The following CCP110 variants were observed in gnomAD, a reference collection of about 807,000 sequenced individuals.
CCP110 encodes centriolar coiled-coil protein 110.
A neutral mutation model predicts 105.5 loss-of-function variants in CCP110; 43 were observed. That is an observed-to-expected ratio of 0.41 (90% CI 0.32 to 0.53). The LOEUF is 0.53. Ranked by LOEUF, CCP110 falls within the 20% of genes least tolerant of loss-of-function variation. The pLI is 0.32. For synonymous variants in CCP110, 353 were observed against 392.1 expected (o/e 0.90, Z 1.18); for missense variants, 1,016 against 1,189.1 (o/e 0.85, Z 2.14).
At chr16:19,536,829 A>T (rs1567354939) in exon 4 of CCP110, 16 of 1,614,168 alleles carry the variant, frequency 9.9e-6, no homozygotes, top group African/African-American at 2.7e-5. Context: ...TCAGCGTGTC[A>T]TATACTTATA....
At chr16:19,542,162 T>C in intron 6 of CCP110, 98 bp downstream of exon 6, 1 of 823,850 alleles carries the variant, frequency 1.2e-6, no homozygotes, top group Non-Finnish European at 1.8e-6. Flanking sequence ...TTTCAAATGA[T>C]TCCATGTCCA....
exon 4 of CCP110, chr16:19,536,620 A>G (rs1451052279): frequency 6.2e-7 from 1 of 1,614,058 alleles, no homozygotes; most frequent in Non-Finnish European, 8.5e-7. Context: ...TGCCAGTTTT[A>G]GCTAGCTTTT....
intron 5 of CCP110, among the ~76,000 whole-genome samples, chr16:19,541,371 G>A (rs559358760): frequency 2.8e-4 from 42 of 152,190 alleles, no homozygotes; most frequent in African/African-American, 8.9e-4. Flanking sequence ...GGTGGCTCAC[G>A]CCTGTAATCC....
intron 2 of CCP110, among the ~76,000 whole-genome samples, chr16:19,531,964 T>TG (rs1317278930): frequency 9.1e-6 from 1 of 109,406 alleles, no homozygotes; most frequent in African/African-American, 3.5e-5. Flanking sequence ...AGACTCCATC[T>TG]CAAAAAAAAA....
At chr16:19,547,783 G>T in intron 12 of CCP110, 172 bp from the exon 13 acceptor site, 1 of 572,816 alleles carries the variant, frequency 1.7e-6, no homozygotes, top group African/African-American at 1.9e-5. Flanking sequence ...CAAAATACAA[G>T]TATCATATTA....
chr16:19,530,531 AG>A (rs1351589518), intron 2 of CCP110, among the ~76,000 whole-genome samples: 1 of 151,834 alleles, frequency 6.6e-6, no homozygotes, highest in Non-Finnish European at 1.5e-5. Context: ...CTGTAATCCC[AG>A]CTATGTGGGA....
intron 3 of CCP110, among the ~76,000 whole-genome samples, chr16:19,534,177 T>G (rs1969970519): frequency 6.6e-6 from 1 of 152,164 alleles, no homozygotes; most frequent in African/African-American, 2.4e-5. Flanking sequence ...CTGTCCATAT[T>G]AAGTTTAAAA....
chr16:19,533,234 C>T (rs966000943), intron 3 of CCP110, among the ~76,000 whole-genome samples: 9 of 151,922 alleles, frequency 5.9e-5, no homozygotes, highest in South Asian at 2.1e-4. Flanking sequence ...TAATTCGTAT[C>T]GATGACACGT....
At position 19,548,450 on chromosome 16, in the gene CCP110, T is replaced by C; in HGVS notation, c.2901-65T>C. 9.6e-7 allele frequency: 1 copy of C among 1,043,662 alleles called. No individual in the cohort carries two copies. Among genetic ancestry groups the C allele is most frequent in the Non-Finnish European group, 1.4e-6 (1 of 710,496 alleles). The allele number at this position is 1,043,662 out of a possible 1,614,324, so 64.7% of individuals were successfully genotyped here. On this transcript the variant is annotated intron_variant, in intron 13 of 14. Coordinates refer to ENST00000381396, the Ensembl canonical transcript of CCP110. This position sits in a 1 kb window ranked among gnomAD's most constrained non-coding sequence, Gnocchi z 4.1. Reference sequence around the variant, plus strand: ...GACAGTTGATGCAATGTGATTGCTTTCTTTGAATTTTGAACATTTAGACCT... The same window carrying C: ...GACAGTTGATGCAATGTGATTGCTTCCTTTGAATTTTGAACATTTAGACCT...
At chr16:19,538,734 C>T (rs987972066) in intron 4 of CCP110, among the ~76,000 whole-genome samples, 1 of 152,160 alleles carries the variant, frequency 6.6e-6, no homozygotes, top group Non-Finnish European at 1.5e-5. Flanking sequence ...GTATGAGCTT[C>T]GTGTAATTGG....
exon 15 of CCP110, chr16:19,552,675 C>G (rs1970681688): frequency 6.6e-6 from 1 of 152,032 alleles, no homozygotes; most frequent in African/African-American, 2.4e-5. Flanking sequence ...TATATTTAAT[C>G]TAATTTAAAT....
exon 1 of CCP110, chr16:19,524,053 G>A (rs1969578323): frequency 6.5e-6 from 1 of 153,586 alleles, no homozygotes; most frequent in Non-Finnish European, 1.4e-5. Flanking sequence ...GGCCCGTGGC[G>A]AGGGGAGAGG....
chr16:19,542,657 C>A (rs1206784107), exon 7 of CCP110: 3 of 1,612,260 alleles, frequency 1.9e-6, no homozygotes, highest in Non-Finnish European at 2.5e-6. Context: ...AGCTTTGTTT[C>A]TGCAAACGAA....
intron 8 of CCP110, among the ~76,000 whole-genome samples, chr16:19,543,455 T>G (rs532131621): frequency 6.6e-6 from 1 of 152,300 alleles, no homozygotes; most frequent in South Asian, 2.1e-4. Context: ...ACAAATTGAT[T>G]GCAAAACATG....
At chr16:19,524,892 A>C (rs147523573) in intron 1 of CCP110, 116 of 152,262 alleles carry the variant, frequency 7.6e-4, no homozygotes, top group African/African-American at 2.7e-3. Context: ...AGCAGTCCCC[A>C]TTATTTGTTG....
intron 4 of CCP110, 135 bp downstream of exon 4, chr16:19,537,722 AT>A (rs11316970): frequency 0.19 from 108,631 of 581,198 alleles, 10,854 homozygotes; most frequent in African/African-American, 0.23. Context: ...TAGAAAGCAT[AT>A]TAGTCAGCTA....
chr16:19,536,409 G>A, exon 4 of CCP110: 1 of 1,613,024 alleles, frequency 6.2e-7, no homozygotes, highest in Non-Finnish European at 8.5e-7. Flanking sequence ...TCTAGACGCA[G>A]TCTGAGAGGT....
chr16:19,536,718 A>G, exon 4 of CCP110: 1 of 1,614,196 alleles, frequency 6.2e-7, no homozygotes, highest in Non-Finnish European at 8.5e-7. Flanking sequence ...TTTGTTACCG[A>G]AAATAATGTT....
chr16:19,540,609 C>T (rs1441503975), intron 4 of CCP110, 48 bp from the exon 5 acceptor site: 1 of 1,499,524 alleles, frequency 6.7e-7, no homozygotes, highest in South Asian at 1.2e-5. Context: ...AAATATCAGA[C>T]ATTAGACTTG....
Sources: allele counts gnomAD v4.1 joint callset (sites outside exome capture counted in the v4.1 genomes callset), GRCh38; gene constraint gnomAD v4.1.1; non-coding constraint Gnocchi (gnomAD v3.1); transcripts MANE v1.5; gene names NCBI Gene and HGNC (gene_info 2026-07-23, HGNC 2026-07-21).